Variants in HTR2A observed in about 807,000 individuals in gnomAD.
HTR2A encodes the protein 5-HT2 receptor.
Under a neutral mutation model 31.0 loss-of-function variants are expected in HTR2A, and 14 were observed. That is an observed-to-expected ratio of 0.45 (90% CI 0.30 to 0.71). HTR2A has a LOEUF of 0.71. Among genes scored for constraint, HTR2A ranks in the 30% least tolerant of loss-of-function variants. The probability of loss-of-function intolerance (pLI) is 0.09; values close to 1 mark genes in which losing one functional copy is unlikely to be tolerated. For missense variants in HTR2A, 442 were observed against 573.3 expected (o/e 0.77, Z 2.34); for synonymous variants, 209 against 225.2 (o/e 0.93, Z 0.64).
At chr13:46,891,023 G>A (rs1951048195) in intron 3 of HTR2A, among the ~76,000 whole-genome samples, 1 of 152,130 alleles carries the variant, frequency 6.6e-6, no homozygotes, top group Admixed American at 6.5e-5. Context: ...CATTTTCTAG[G>A]AGCAAAAACT....
intron 3 of HTR2A, among the ~76,000 whole-genome samples, chr13:46,836,258 T>G (rs1876450133): frequency 6.6e-6 from 1 of 151,950 alleles, no homozygotes; most frequent in Non-Finnish European, 1.5e-5. Context: ...TTAAATATAG[T>G]TTATTTTCTC....
At chr13:46,863,398 G>A (rs1330301900) in intron 3 of HTR2A, among the ~76,000 whole-genome samples, 1 of 151,978 alleles carries the variant, frequency 6.6e-6, no homozygotes, top group East Asian at 1.9e-4. Context: ...TGAGGTGGAA[G>A]GATTGCTTGA....
chr13:46,871,230 T>A (rs1950861743), intron 3 of HTR2A, among the ~76,000 whole-genome samples: 1 of 152,244 alleles, frequency 6.6e-6, no homozygotes, highest in African/African-American at 2.4e-5. Flanking sequence ...TGCAACCTGA[T>A]TCAGATTTCT....
chr13:46,874,280 C>T (rs939371604), intron 3 of HTR2A, among the ~76,000 whole-genome samples: 1 of 152,184 alleles, frequency 6.6e-6, no homozygotes, highest in South Asian at 2.1e-4. Context: ...AACTCATTTG[C>T]TATACTTCGC....
chr13:46,878,840 G>A lies in HTR2A; in HGVS notation c.613+13550C>T, dbSNP rs892256718. ...TAGTATCTGAGCACAAGTTTATACT[G>A]CCTCACCCCTAAAATTCTATTTAAT... On this transcript the variant is annotated intron_variant, in intron 3 of 3. Transcript: ENST00000542664. Among the ~76,000 whole-genome samples, 4 of 152,098 alleles carry A rather than the reference G, an allele frequency of 2.6e-5. No homozygotes were observed. The East Asian group carries it at 5.8e-4, about 22-fold the overall frequency.
chr13:46,842,083 A>G (rs979895617), intron 3 of HTR2A, among the ~76,000 whole-genome samples: 2 of 152,240 alleles, frequency 1.3e-5, no homozygotes, highest in Non-Finnish European at 2.9e-5. Context: ...CATCAATGAT[A>G]CAATTATGAT....
chr13:46,835,416 A>G lies in HTR2A; in HGVS notation c.837T>C (p.Ala279=). The G allele has an allele frequency of 6.2e-7, 1 of 1,614,120 alleles. No homozygotes were observed. Among genetic ancestry groups the G allele is most frequent in the African/African-American group, 1.3e-5 (1 of 75,042 alleles). Residue 279 remains alanine (A), a synonymous_variant, in exon 4 of 4, where the codon GCT becomes GCC. Coordinates refer to ENST00000542664, the MANE Select transcript of HTR2A (RefSeq NM_000621.5). ...VSDLGTRAKL[A]SFSFLPQSSL... ...AACTCTGAGGGAGGAAGCTGAAAGA[A>G]GCTAATTTGGCCCGTGTGCCAAGAT...
At chr13:46,848,632 T>C (rs1373734634) in intron 3 of HTR2A, among the ~76,000 whole-genome samples, 1 of 152,228 alleles carries the variant, frequency 6.6e-6, no homozygotes, top group Non-Finnish European at 1.5e-5. Context: ...GAAAATATAC[T>C]CTATAACTTG....
Position 46,835,040 on chromosome 13 carries a change from G to C in HTR2A, c.1213C>G (p.Pro405Ala). 6.2e-7 allele frequency: 1 copy of C among 1,614,110 alleles called. No individual in the cohort carries two copies. The highest frequency in any genetic ancestry group is 8.5e-7 in the Non-Finnish European group (1 of 1,179,980). ...IQCQYKENKKPLQLILVNTIP... is the reference protein window; with the variant it reads ...IQCQYKENKKALQLILVNTIP... ...GTGTTCACTAAAATTAACTGCAATG[G>C]TTTTTTGTTTTCCTTGTACTGACAC... The change falls in exon 4 of 4, where the codon CCA (proline) becomes GCA (alanine). Residue 405 changes from proline to alanine, a missense_variant. Around this residue, in one of 5 missense-constraint regions of HTR2A, gnomAD observed 88 missense variants for 83.1 expected, o/e 1.06. Transcript: ENST00000542664.
intron 3 of HTR2A, among the ~76,000 whole-genome samples, chr13:46,848,496 A>T (rs1452986494): frequency 1.3e-5 from 2 of 152,200 alleles, no homozygotes; most frequent in African/African-American, 4.8e-5. Flanking sequence ...AAAGTGGGGG[A>T]AAACCCCACA....
At position 46,895,811 on chromosome 13, in the gene HTR2A, A is replaced by G. The variant is rs1951098340; in HGVS notation, c.96T>C (p.Phe32=). The G allele has an allele frequency of 1.9e-6, 3 of 1,614,046 alleles. No homozygotes were observed. Among genetic ancestry groups the G allele is most frequent in the African/African-American group, 2.7e-5 (2 of 74,914 alleles). ...NDDTRLYSND[F]NSGEANTSDA... is the part of the protein sequence containing the mutation. ...CAGAAGTGTTAGCTTCTCCGGAGTTAAAGTCATTACTGTAGAGCCTGGTGT... is the reference window on the plus strand; with the variant it reads ...CAGAAGTGTTAGCTTCTCCGGAGTTGAAGTCATTACTGTAGAGCCTGGTGT... The change falls in exon 2 of 4, where the codon TTT becomes TTC. Residue 32 remains phenylalanine (F), a synonymous_variant. Transcript: ENST00000542664. The surrounding 1 kb of genome is among the most constrained non-coding windows in gnomAD (Gnocchi z 4.4).
intron 3 of HTR2A, among the ~76,000 whole-genome samples, chr13:46,880,397 A>G (rs1178360354): frequency 6.6e-6 from 1 of 152,186 alleles, no homozygotes; most frequent in Non-Finnish European, 1.5e-5. Context: ...ATGAAGGGGC[A>G]GCATGCAGAT....
intron 3 of HTR2A, among the ~76,000 whole-genome samples, chr13:46,865,477 G>C (rs1382433440): frequency 2.0e-5 from 3 of 152,146 alleles, no homozygotes; most frequent in Admixed American, 6.5e-5. Flanking sequence ...CCTAGCAACA[G>C]CCTGCAATAC....
At chr13:46,838,037 G>T (rs2138340057) in intron 3 of HTR2A, among the ~76,000 whole-genome samples, 1 of 152,318 alleles carries the variant, frequency 6.6e-6, no homozygotes, top group East Asian at 1.9e-4. Flanking sequence ...CCTCCAAGGA[G>T]AACATCCTCT....
intron 3 of HTR2A, among the ~76,000 whole-genome samples, chr13:46,864,163 A>G (rs1950802686): frequency 1.3e-5 from 2 of 152,110 alleles, no homozygotes; most frequent in Admixed American, 6.6e-5. Context: ...ACTAAACTAT[A>G]CACATGTTCT....
Position 46,831,606 on chromosome 13 carries a change from G to A in HTR2A, c.*3231C>T, listed in dbSNP as rs541518530. The A allele has an allele frequency of 1.8e-4, 27 of 152,208 alleles. No homozygotes were observed. The highest frequency in any genetic ancestry group is 3.9e-4 in the East Asian group (2 of 5,190). The allele number at this position is 152,208 out of a possible 1,614,324, so 9.4% of individuals were successfully genotyped here. On this transcript the variant is annotated 3_prime_UTR_variant, in exon 4 of 4. Transcript: ENST00000542664. ...TCCTTTCTTGAAAACTTTTAGCATC[G>A]CCTTGATTAAAATAAGTTCATAAAA...
At chr13:46,878,895 G>C (rs987904587) in intron 3 of HTR2A, among the ~76,000 whole-genome samples, 2 of 152,062 alleles carry the variant, frequency 1.3e-5, no homozygotes, top group Non-Finnish European at 1.5e-5. Context: ...AAAAAAATCA[G>C]AATTACTGAA....
At chr13:46,840,299 G>GAGT (rs1459066662) in intron 3 of HTR2A, among the ~76,000 whole-genome samples, 11 of 152,096 alleles carry the variant, frequency 7.2e-5, no homozygotes, top group African/African-American at 2.4e-4. Context: ...GATACAGAGT[G>GAGT]GCTAAATTCC....
intron 3 of HTR2A, among the ~76,000 whole-genome samples, chr13:46,885,278 G>T (rs1045016913): frequency 1.3e-5 from 2 of 152,134 alleles, no homozygotes; most frequent in African/African-American, 4.8e-5. Flanking sequence ...TGGACAAAGG[G>T]ATAATTCACA....
Sources: allele counts gnomAD v4.1 joint callset (sites outside exome capture counted in the v4.1 genomes callset), GRCh38; gene constraint gnomAD v4.1.1; regional missense constraint gnomAD v4.1.1; non-coding constraint Gnocchi (gnomAD v3.1); transcripts MANE v1.5; gene names NCBI Gene and HGNC (gene_info 2026-07-23, HGNC 2026-07-21).